STARD13: variants seen among roughly 807,000 people sequenced by gnomAD.
STARD13 encodes the protein stAR-related lipid transfer protein 13.
STARD13 carries 62 observed loss-of-function variants against 106.4 expected under a neutral mutation model. That is an observed-to-expected ratio of 0.58 (90% CI 0.48 to 0.72). The LOEUF (loss-of-function observed/expected upper bound fraction) is 0.72. Ranked by LOEUF, STARD13 falls within the 30% of genes least tolerant of loss-of-function variation. The probability of loss-of-function intolerance (pLI) is 0.00; values close to 1 mark genes in which losing one functional copy is unlikely to be tolerated. For synonymous variants in STARD13, 565 were observed against 553.0 expected (o/e 1.02, Z -0.31); for missense variants, 1,387 against 1,424.0 (o/e 0.97, Z 0.42).
intron 1 of STARD13, among the ~76,000 whole-genome samples, chr13:33,315,821 G>T (rs1337944861): frequency 6.6e-6 from 1 of 152,098 alleles, no homozygotes; most frequent in African/African-American, 2.4e-5. Context: ...AAAAATGTCA[G>T]TTGGAAATCC....
chr13:33,485,880 A>AAAC, the STARD13 span, among the ~76,000 whole-genome samples: 1 of 152,230 alleles, frequency 6.6e-6, no homozygotes. Flanking sequence ...TGCAAGAAGA[A>AAAC]AACAAGAATT....
the STARD13 span, among the ~76,000 whole-genome samples, chr13:33,528,257 C>CATATATATATATATATATATATAT: frequency 5.4e-5 from 5 of 92,894 alleles, no homozygotes; most frequent in African/African-American, 3.3e-4. Flanking sequence ...TATATATATA[C>CATATATATATATATATATATATAT]ATATATATAT....
At chr13:33,333,195 G>A (rs539525470) in intron 1 of STARD13, among the ~76,000 whole-genome samples, 1 of 152,052 alleles carries the variant, frequency 6.6e-6, no homozygotes, top group Non-Finnish European at 1.5e-5. Context: ...TTCGAGACAA[G>A]CCTGGCCAAC....
the STARD13 span, among the ~76,000 whole-genome samples, chr13:33,565,771 A>C: frequency 6.7e-6 from 1 of 148,512 alleles, no homozygotes; most frequent in East Asian, 2.0e-4. Context: ...AATGGCCAGG[A>C]ACTTGATCCA....
At chr13:33,358,546 C>G in the STARD13 span, among the ~76,000 whole-genome samples, 3 of 152,088 alleles carry the variant, frequency 2.0e-5, no homozygotes, top group Admixed American at 1.3e-4. Flanking sequence ...GTGCACCAAT[C>G]GACACTCTGT....
chr13:33,151,271 G>T (rs981827095), intron 3 of STARD13, among the ~76,000 whole-genome samples: 6 of 152,178 alleles, frequency 3.9e-5, no homozygotes, highest in African/African-American at 1.2e-4. Flanking sequence ...AGTTTAATTT[G>T]GTTCATGGCT....
the STARD13 span, among the ~76,000 whole-genome samples, chr13:33,524,991 C>T: frequency 6.6e-6 from 1 of 152,106 alleles, no homozygotes; most frequent in South Asian, 2.1e-4. Context: ...TCTTTGATCA[C>T]CAAAAGTGTT....
chr13:33,301,521 T>C (rs1045179354), intron 1 of STARD13, among the ~76,000 whole-genome samples: 3 of 151,970 alleles, frequency 2.0e-5, no homozygotes, highest in Admixed American at 6.6e-5. Context: ...ACCAATCAAG[T>C]TCTTCTGCAG....
intron 1 of STARD13, among the ~76,000 whole-genome samples, chr13:33,189,877 C>T (rs1371494746): frequency 1.3e-5 from 2 of 152,004 alleles, no homozygotes; most frequent in Non-Finnish European, 2.9e-5. Context: ...CCTGAAACAG[C>T]ATCTTACTTT....
At chr13:33,439,954 G>A in the STARD13 span, among the ~76,000 whole-genome samples, 1 of 152,300 alleles carries the variant, frequency 6.6e-6, no homozygotes, top group Non-Finnish European at 1.5e-5. Flanking sequence ...CGCATTAAAT[G>A]TATTTTTCTC....
chr13:33,645,560 A>T, the STARD13 span, among the ~76,000 whole-genome samples: 1 of 152,224 alleles, frequency 6.6e-6, no homozygotes, highest in Non-Finnish European at 1.5e-5. Flanking sequence ...TTAACTATGA[A>T]GTAGGAAGGA....
chr13:33,398,584 T>TA, the STARD13 span, among the ~76,000 whole-genome samples: 1 of 151,440 alleles, frequency 6.6e-6, no homozygotes, highest in East Asian at 1.9e-4. Context: ...AGAATATATA[T>TA]AAAAAATTCA....
chr13:33,294,223 C>A (rs367865093), intron 1 of STARD13, among the ~76,000 whole-genome samples: 1 of 152,206 alleles, frequency 6.6e-6, no homozygotes, highest in African/African-American at 2.4e-5. Flanking sequence ...AACAGTACAG[C>A]GGCACTGAGC....
chr13:33,188,871 T>C (rs1325149496), intron 1 of STARD13, among the ~76,000 whole-genome samples: 1 of 152,244 alleles, frequency 6.6e-6, no homozygotes, highest in East Asian at 1.9e-4. Flanking sequence ...AAAAGACACT[T>C]TGCCTTAATA....
At chr13:33,109,800 G>A (rs1874264441) in intron 12 of STARD13, 73 bp downstream of exon 12, 2 of 1,424,112 alleles carry the variant, frequency 1.4e-6, no homozygotes, top group Non-Finnish European at 2.0e-6. Flanking sequence ...GAGACACCAG[G>A]AGAAGTGCTC....
At chr13:33,477,075 C>T in the STARD13 span, among the ~76,000 whole-genome samples, 2 of 152,190 alleles carry the variant, frequency 1.3e-5, no homozygotes, top group African/African-American at 4.8e-5. Context: ...CAAGGATGGG[C>T]ACACAATGCC....
At chr13:33,250,335 G>A (rs1476814796) in intron 1 of STARD13, among the ~76,000 whole-genome samples, 3 of 152,172 alleles carry the variant, frequency 2.0e-5, no homozygotes, top group Admixed American at 2.0e-4. Context: ...TAGCGCAGAG[G>A]AATGAATAAG....
the STARD13 span, among the ~76,000 whole-genome samples, chr13:33,545,205 C>T: frequency 6.6e-6 from 1 of 152,116 alleles, no homozygotes; most frequent in Non-Finnish European, 1.5e-5. Flanking sequence ...GGTGATCCAC[C>T]CGCCTTGGCC....
the STARD13 span, among the ~76,000 whole-genome samples, chr13:33,415,768 C>T: frequency 6.6e-6 from 1 of 152,196 alleles, no homozygotes; most frequent in South Asian, 2.1e-4. Flanking sequence ...GCAACTAAAA[C>T]ATCCTTAATC....
Sources: allele counts gnomAD v4.1 joint callset (sites outside exome capture counted in the v4.1 genomes callset), GRCh38; gene constraint gnomAD v4.1.1; transcripts MANE v1.5; gene names NCBI Gene and HGNC (gene_info 2026-07-23, HGNC 2026-07-21).